PEX2: variants seen among roughly 807,000 people sequenced by gnomAD.
PEX2 encodes the protein peroxisomal biogenesis factor 2.
PEX2 carries 19 observed loss-of-function variants against 25.2 expected under a neutral mutation model. The observed-to-expected ratio is 0.75, with a 90% CI of 0.53 to 1.10. PEX2 has a LOEUF of 1.10. PEX2 is among the 50% of genes least tolerant of loss of function. PEX2 has a pLI of 0.00. For synonymous variants in PEX2, 141 were observed against 127.7 expected, an observed-to-expected ratio of 1.10 and a Z score of -0.70; for missense variants, 347 against 350.6, an observed-to-expected ratio of 0.99 and a Z score of 0.08.
At chr8:76,984,248 A>G in intron 3 of PEX2, 53 bp from the exon 4 acceptor site, 2 of 1,416,948 alleles carry the variant, frequency 1.4e-6, no homozygotes, top group East Asian at 2.3e-5. Context: ...ATCTTGTACA[A>G]CCTCCTCAAC....
At position 76,995,025 on chromosome 8, in the gene PEX2, G is replaced by A. The variant is rs148950190; in HGVS notation, c.-160+4965C>T. On this transcript the variant is annotated intron_variant, in intron 1 of 3. Coordinates refer to ENST00000357039, the MANE Select transcript of PEX2 (RefSeq NM_000318.3). ...AACTGGACACTGATTCCCAGAACAC[G>A]TTTCAAATATGGGCAAAAGAAAAAA... 2.0e-3 allele frequency among the ~76,000 whole-genome samples: 301 copies of A among 152,216 alleles called. 1 individual carries two copies. The highest frequency in any genetic ancestry group is 2.8e-3 in the Non-Finnish European group (191 of 68,018).
chr8:76,985,583 A>G (rs1209662588), intron 3 of PEX2, among the ~76,000 whole-genome samples: 1 of 152,186 alleles, frequency 6.6e-6, no homozygotes, highest in Admixed American at 6.5e-5. Flanking sequence ...TTGAATATAT[A>G]CCATTTTTAC....
intron 1 of PEX2, among the ~76,000 whole-genome samples, chr8:76,999,372 C>T (rs1452878181): frequency 6.6e-6 from 1 of 151,000 alleles, no homozygotes; most frequent in Non-Finnish European, 1.5e-5. Flanking sequence ...AAACAAACAA[C>T]GATTTTTAAT....
chr8:76,997,762 G>A (rs1483899078), intron 1 of PEX2, among the ~76,000 whole-genome samples: 1 of 152,046 alleles, frequency 6.6e-6, no homozygotes, highest in African/African-American at 2.4e-5. Flanking sequence ...CATAGAAGAA[G>A]GTATTTTTAT....
intron 1 of PEX2, among the ~76,000 whole-genome samples, chr8:76,989,894 C>T (rs1459199370): frequency 1.3e-5 from 2 of 152,142 alleles, no homozygotes; most frequent in Non-Finnish European, 2.9e-5. Context: ...TACATTAACC[C>T]ACAACAGGAG....
chr8:76,986,523 C>T (rs1807004372), intron 2 of PEX2: 1 of 152,422 alleles, frequency 6.6e-6, no homozygotes, highest in Admixed American at 6.5e-5. Flanking sequence ...ATTCTCCACA[C>T]TGCCAGTGTT....
intron 1 of PEX2, among the ~76,000 whole-genome samples, chr8:76,993,058 C>A (rs1171847649): frequency 6.6e-6 from 1 of 152,112 alleles, no homozygotes; most frequent in Non-Finnish European, 1.5e-5. Flanking sequence ...GGTTATTTAA[C>A]CCCCGTCAAT....
chr8:76,996,688 G>C (rs1327512414), intron 1 of PEX2, among the ~76,000 whole-genome samples: 1 of 152,122 alleles, frequency 6.6e-6, no homozygotes, highest in African/African-American at 2.4e-5. Flanking sequence ...TATGGTACAA[G>C]AGAACACGGA....
At chr8:76,985,935 A>C (rs531747612) in intron 3 of PEX2, among the ~76,000 whole-genome samples, 1 of 152,224 alleles carries the variant, frequency 6.6e-6, no homozygotes, top group Non-Finnish European at 1.5e-5. Flanking sequence ...TAGAAGGTAA[A>C]GTAAACTTGT....
rs780902268 is a variant in PEX2 at position 76,997,337 on chromosome 8, G to T, written c.-160+2653C>A. ...TAACACTAAAAGACAAGTGGGCCGA[G>T]GTGGGCAGATCGCCTAAGGTGAGGA... is the stretch of plus-strand genomic sequence containing the variant. On this transcript the variant is annotated intron_variant, in intron 1 of 3. Coordinates refer to ENST00000357039, the MANE Select transcript of PEX2 (RefSeq NM_000318.3). Among the ~76,000 whole-genome samples, 9 of 152,336 alleles carry T rather than the reference G, an allele frequency of 5.9e-5. No homozygotes were observed. In the East Asian group the frequency reaches 1.7e-3, roughly 29 times the overall value.
upstream of PEX2, chr8:77,000,136 A>G (rs545258753): frequency 5.0e-4 from 144 of 286,816 alleles, 1 homozygote; most frequent in South Asian, 3.9e-3. Context: ...GAAGTGGCTG[A>G]AAAAAAAAAG....
At chr8:77,000,757 G>A (rs1441046671), upstream of PEX2, 1 of 152,300 alleles carries the variant, frequency 6.6e-6, no homozygotes, top group African/African-American at 2.4e-5. Context: ...CTGGCCTGAG[G>A]TTTCCCGCCC....
At chr8:76,995,907 T>C (rs6994559) in intron 1 of PEX2, among the ~76,000 whole-genome samples, 78,349 of 129,662 alleles carry the variant, frequency 0.6, 21,454 homozygotes, top group Admixed American at 0.7. Flanking sequence ...ATACTCTTCA[T>C]TGGCTAAAAA....
rs921246755 is a variant in PEX2, at chr8:77,000,044, T to C, written c.-214A>G. On this transcript the variant is annotated 5_prime_UTR_variant, in exon 1 of 4. Transcript: ENST00000357039. The stretch of plus-strand genomic sequence containing the variant: ...ACGTAACTTTCTCTGAAACATTCTC[T>C]GGAAAGCTTGTCTTTTCCTAGCCGA... The C allele has an allele frequency of 2.3e-6, 1 of 440,988 alleles. No homozygotes were observed. The highest frequency in any genetic ancestry group is 2.0e-5 in the African/African-American group (1 of 49,154). 27.3% of individuals were successfully genotyped at this position (440,988 alleles called of 1,614,324 possible).
chr8:76,998,176 G>T (rs1283083874), intron 1 of PEX2, among the ~76,000 whole-genome samples: 1 of 151,982 alleles, frequency 6.6e-6, no homozygotes, highest in Non-Finnish European at 1.5e-5. Flanking sequence ...GAATGTGGAT[G>T]GTGTGCAAGA....
intron 1 of PEX2, among the ~76,000 whole-genome samples, chr8:76,989,542 A>T (rs75782992): frequency 0.068 from 10,341 of 152,236 alleles, 703 homozygotes; most frequent in African/African-American, 0.18. Context: ...TTAAAAAAAA[A>T]ATATAAAAGT....
upstream of PEX2, chr8:77,000,400 G>C (rs948831047): frequency 6.5e-6 from 1 of 154,458 alleles, no homozygotes; most frequent in African/African-American, 2.4e-5. Flanking sequence ...GGGAAGCCGG[G>C]GCTTGGGAGG....
intron 1 of PEX2, 109 bp downstream of exon 1, chr8:76,999,881 G>A (rs1446386197): frequency 1.3e-5 from 6 of 456,290 alleles, no homozygotes; most frequent in African/African-American, 8.0e-5. Flanking sequence ...CCAATAAACA[G>A]GGAAAAAAAA....
chr8:76,990,603 T>G (rs1303822876), intron 1 of PEX2, among the ~76,000 whole-genome samples: 1 of 152,156 alleles, frequency 6.6e-6, no homozygotes, highest in African/African-American at 2.4e-5. Flanking sequence ...TTCAACATTG[T>G]TGTGTCTTAG....
Sources: gnomAD v4.1 joint callset for allele counts (sites outside exome capture counted in the v4.1 genomes callset) on GRCh38, gnomAD v4.1.1 for gene constraint, MANE v1.5 for transcripts, NCBI Gene and HGNC (gene_info 2026-07-23, HGNC 2026-07-21) for gene names.